GMDS: variants seen among roughly 807,000 people sequenced by gnomAD.
GMDS encodes GDP-mannose 4,6 dehydratase.
GMDS carries 20 observed loss-of-function variants against 49.9 expected under a neutral mutation model. The ratio of observed to expected loss-of-function variants is 0.40; its 90% CI spans 0.28 to 0.58. The LOEUF is 0.58. Ranked by LOEUF, GMDS falls within the 20% of genes least tolerant of loss-of-function variation. The probability of loss-of-function intolerance (pLI) is 0.42; values close to 1 mark genes in which losing one functional copy is unlikely to be tolerated. For synonymous variants in GMDS, 177 were observed against 178.6 expected (o/e 0.99, Z 0.07); for missense variants, 362 against 481.4 (o/e 0.75, Z 2.32).
intron 4 of GMDS, among the ~76,000 whole-genome samples, chr6:2,061,795 T>A (rs974317054): frequency 6.7e-6 from 1 of 150,114 alleles, no homozygotes; most frequent in African/African-American, 2.4e-5. Context: ...GTTGGAATGA[T>A]CATTACAGAT....
intron 6 of GMDS, among the ~76,000 whole-genome samples, chr6:1,934,379 G>A (rs763030263): frequency 2.0e-5 from 3 of 152,114 alleles, no homozygotes; most frequent in Non-Finnish European, 4.4e-5. Context: ...ATTTCCATAT[G>A]AACTTTAGGA....
Position 1,624,454 on chromosome 6 carries a change from G to A in GMDS, c.1056+18C>T, listed in dbSNP as rs754480500. The stretch of plus-strand genomic sequence containing the variant: ...CGGGGCCCCGCAGCGGGCGGCGTGC[G>A]CCCTAAGAGATACTCACATCGAAAG... On this transcript the variant is annotated intron_variant, in intron 10 of 10. Transcript: ENST00000380815. 2 of 1,607,626 alleles carry A rather than the reference G, an allele frequency of 1.2e-6. No homozygotes were observed. The highest frequency in any genetic ancestry group is 1.7e-6 in the Non-Finnish European group (2 of 1,174,778).
chr6:1,671,189 G>A (rs372202573), intron 9 of GMDS, among the ~76,000 whole-genome samples: 8 of 152,100 alleles, frequency 5.3e-5, no homozygotes, highest in South Asian at 2.1e-4. Flanking sequence ...TAGCTTTCTC[G>A]GCAACCTGTG....
intron 4 of GMDS, among the ~76,000 whole-genome samples, chr6:2,031,252 C>T (rs1768944473): frequency 6.6e-6 from 1 of 152,206 alleles, no homozygotes; most frequent in Non-Finnish European, 1.5e-5. Flanking sequence ...CAGGCTGAGG[C>T]CTCCACACAG....
intron 7 of GMDS, among the ~76,000 whole-genome samples, chr6:1,926,625 T>G (rs1167861072): frequency 1.3e-5 from 2 of 152,268 alleles, no homozygotes; most frequent in Non-Finnish European, 2.9e-5. Flanking sequence ...CCTTTTTCAT[T>G]TTTATGATTG....
intron 7 of GMDS, among the ~76,000 whole-genome samples, chr6:1,829,008 T>G (rs185904642): frequency 1.3e-5 from 2 of 152,224 alleles, no homozygotes; most frequent in African/African-American, 4.8e-5. Context: ...ATTCTTACAA[T>G]GAAGAAAGCT....
chr6:1,715,411 C>A (rs1189696592), intron 9 of GMDS, among the ~76,000 whole-genome samples: 1 of 152,188 alleles, frequency 6.6e-6, no homozygotes, highest in Non-Finnish European at 1.5e-5. Context: ...CACATTCATT[C>A]ATTCTTTATC....
At chr6:1,728,408 T>C (rs1316928688) in intron 8 of GMDS, among the ~76,000 whole-genome samples, 2 of 152,190 alleles carry the variant, frequency 1.3e-5, no homozygotes, top group African/African-American at 2.4e-5. Flanking sequence ...GATACTTGCG[T>C]GATAGTACCT....
intron 1 of GMDS, among the ~76,000 whole-genome samples, chr6:2,194,169 G>T (rs1459573437): frequency 2.6e-5 from 4 of 152,198 alleles, no homozygotes; most frequent in Non-Finnish European, 4.4e-5. Flanking sequence ...TGGACTGTGT[G>T]TGTGTGTGAG....
chr6:2,060,877 G>A (rs1334162443), intron 4 of GMDS, among the ~76,000 whole-genome samples: 3 of 152,044 alleles, frequency 2.0e-5, no homozygotes, highest in East Asian at 1.9e-4. Flanking sequence ...AAAATTAGCC[G>A]GGCGTAGTGG....
rs1053895719 is a variant in GMDS at position 1,836,854 on chromosome 6, A to G, written c.771+93249T>C. ...CTGTGCAGAGCAAGAGCTGTCAGGA[A>G]AAAGGTAATGAAGAAGAATAGCTTA... is the stretch of plus-strand genomic sequence containing the variant. On this transcript the variant is annotated intron_variant, in intron 7 of 10. Coordinates refer to ENST00000380815, the MANE Select transcript of GMDS (RefSeq NM_001500.4). The surrounding 1 kb of genome is among the most constrained non-coding windows in gnomAD (Gnocchi z 4.2). Among the ~76,000 whole-genome samples, 14 of 152,358 alleles carry G rather than the reference A, an allele frequency of 9.2e-5. No individual in the cohort carries two copies. The highest frequency in any genetic ancestry group is 2.6e-4 in the African/African-American group (11 of 41,586).
chr6:1,981,384 C>T (rs1369081829), intron 4 of GMDS, among the ~76,000 whole-genome samples: 2 of 152,114 alleles, frequency 1.3e-5, no homozygotes, highest in African/African-American at 2.4e-5. Context: ...ATACAAGCAA[C>T]CATCAAAGAA....
chr6:1,772,644 C>T (rs191526485), intron 7 of GMDS, among the ~76,000 whole-genome samples: 1 of 152,250 alleles, frequency 6.6e-6, no homozygotes, highest in Non-Finnish European at 1.5e-5. Context: ...GGGGAGTATA[C>T]GTTCGTGGGG....
chr6:1,847,817 G>A (rs921307680), intron 7 of GMDS, among the ~76,000 whole-genome samples: 5 of 152,112 alleles, frequency 3.3e-5, no homozygotes, highest in Admixed American at 2.6e-4. Flanking sequence ...CTGTCAACCA[G>A]GCTGATATTT....
At chr6:2,168,061 C>T (rs1358846575) in intron 1 of GMDS, among the ~76,000 whole-genome samples, 1 of 152,196 alleles carries the variant, frequency 6.6e-6, no homozygotes, top group Non-Finnish European at 1.5e-5. Flanking sequence ...AAGACAATAC[C>T]ATGGCTCTTC....
At chr6:1,875,923 C>T (rs1759023151) in intron 7 of GMDS, among the ~76,000 whole-genome samples, 3 of 151,084 alleles carry the variant, frequency 2.0e-5, no homozygotes, top group South Asian at 2.1e-4. Flanking sequence ...TACTCTGGGG[C>T]AGAAGAATCC....
intron 8 of GMDS, among the ~76,000 whole-genome samples, chr6:1,730,529 C>A (rs530902592): frequency 6.6e-6 from 1 of 152,200 alleles, no homozygotes; most frequent in Non-Finnish European, 1.5e-5. Context: ...CACTGCCTCA[C>A]CCTCCCTGAG....
intron 4 of GMDS, among the ~76,000 whole-genome samples, chr6:2,086,036 G>A (rs1334159226): frequency 1.3e-5 from 2 of 152,210 alleles, no homozygotes; most frequent in Non-Finnish European, 1.5e-5. Flanking sequence ...CACAGAGAGT[G>A]TGGCACAGGT....
intron 6 of GMDS, among the ~76,000 whole-genome samples, chr6:1,949,411 A>T (rs1763235133): frequency 6.6e-6 from 1 of 152,248 alleles, no homozygotes; most frequent in Non-Finnish European, 1.5e-5. Flanking sequence ...GTCATCAGAC[A>T]GTTATCAGTT....
Sources: gnomAD v4.1 joint callset for allele counts (sites outside exome capture counted in the v4.1 genomes callset) on GRCh38, gnomAD v4.1.1 for gene constraint, Gnocchi (gnomAD v3.1) non-coding constraint, MANE v1.5 for transcripts, NCBI Gene and HGNC (gene_info 2026-07-23, HGNC 2026-07-21) for gene names.